The following SNX32 variants were observed in gnomAD, a reference collection of about 807,000 sequenced individuals.
The protein encoded by SNX32 is sorting nexin-32.
Under a neutral mutation model 57.0 loss-of-function variants are expected in SNX32, and 58 were observed. The observed-to-expected ratio is 1.02, with a 90% CI of 0.82 to 1.27. The LOEUF (loss-of-function observed/expected upper bound fraction) is 1.27. SNX32 is among the 50% of genes most tolerant of loss of function. The pLI is 0.00. For synonymous variants in SNX32, 262 were observed against 220.4 expected (o/e 1.19, Z -1.67); for missense variants, 589 against 541.2 (o/e 1.09, Z -0.88).
chr11:65,850,987 C>G (rs933110661), intron 6 of SNX32, 68 bp from the exon 7 acceptor site: 7 of 1,525,214 alleles, frequency 4.6e-6, no homozygotes, highest in Non-Finnish European at 6.4e-6. Context: ...TTTTGCCAAC[C>G]CTGGGTGCCT....
intron 1 of SNX32, among the ~76,000 whole-genome samples, chr11:65,839,488 C>G (rs1276252996): frequency 1.4e-5 from 2 of 147,112 alleles, no homozygotes; most frequent in Non-Finnish European, 2.9e-5. Context: ...CTCGGCCTCC[C>G]AAAGTGCTGG....
At chr11:65,853,006 A>ACCTC (rs1555036656) in intron 12 of SNX32, 48 bp downstream of exon 12, 2 of 1,578,816 alleles carry the variant, frequency 1.3e-6, no homozygotes, top group Non-Finnish European at 1.7e-6. Flanking sequence ...CCCACCTCCC[A>ACCTC]CCTCCCTCCC....
chr11:65,834,171 GC>G, intron 1 of SNX32, 70 bp downstream of exon 1: 3 of 1,222,108 alleles, frequency 2.5e-6, no homozygotes. Flanking sequence ...GCCCAATCAT[GC>G]GGTGGTGTGT....
chr11:65,838,582 T>C (rs1858735703), intron 1 of SNX32, among the ~76,000 whole-genome samples: 1 of 152,086 alleles, frequency 6.6e-6, no homozygotes, highest in Admixed American at 6.6e-5. Flanking sequence ...ACAAAAAAAT[T>C]AGTAAGGATT....
At chr11:65,838,181 A>AGAAG (rs368822862) in intron 1 of SNX32, among the ~76,000 whole-genome samples, 70 of 151,262 alleles carry the variant, frequency 4.6e-4, no homozygotes, top group African/African-American at 1.3e-3. Flanking sequence ...AAGGAAAGAA[A>AGAAG]GAAGGAAGGA....
chr11:65,847,065 C>T (rs528714599), intron 1 of SNX32, among the ~76,000 whole-genome samples: 6 of 149,900 alleles, frequency 4.0e-5, no homozygotes, highest in South Asian at 2.1e-4. Flanking sequence ...TGGAGTGCAG[C>T]GGCGAGATCC....
rs899279289 is a variant in SNX32 at position 65,851,466 on chromosome 11, G to A, written c.785+63G>A. On this transcript the variant is annotated intron_variant, in intron 8 of 12. Transcript: ENST00000308342. ...TGTAATACCATGTCTTCCCATGAGGGGTCACTCTGTAGATGTCTACTGTCA... is the reference window on the plus strand; with the variant it reads ...TGTAATACCATGTCTTCCCATGAGGAGTCACTCTGTAGATGTCTACTGTCA... 7.5e-5 allele frequency: 119 copies of A among 1,581,994 alleles called. No homozygotes were observed. In the African/African-American group the frequency reaches 1.5e-3, roughly 19 times the overall value.
At position 65,849,517 on chromosome 11, in the gene SNX32, T is replaced by C. The variant is rs776249123; in HGVS notation, c.76T>C (p.Leu26=). 6.8e-6 allele frequency: 11 copies of C among 1,613,926 alleles called. 1 individual carries two copies. In the South Asian group the frequency reaches 1.1e-4, roughly 16 times the overall value. The change falls in exon 2 of 13, where the codon TTA becomes CTA. Residue 26 remains leucine, a synonymous_variant. Coordinates refer to ENST00000308342, the MANE Select transcript of SNX32 (RefSeq NM_152760.3). ...ASVDLQGDSS[L]QVEISDAVSE... is the part of the protein sequence containing the mutation. ...GGTGGATCTGCAGGGAGACAGCTCCTTACAGGTGGAGATTTCTGACGCAGT... is the reference window on the plus strand; with the variant it reads ...GGTGGATCTGCAGGGAGACAGCTCCCTACAGGTGGAGATTTCTGACGCAGT...
At chr11:65,835,353 CG>C (rs1858640755) in intron 1 of SNX32, among the ~76,000 whole-genome samples, 1 of 42,044 alleles carries the variant, frequency 2.4e-5, no homozygotes. Flanking sequence ...GAGGTGAGGG[CG>C]GGGAGGAGGG....
chr11:65,850,052 G>A (rs757908643), intron 3 of SNX32, 22 bp downstream of exon 3: 6 of 1,614,082 alleles, frequency 3.7e-6, no homozygotes, highest in Non-Finnish European at 5.1e-6. Flanking sequence ...CTGGGCAGGG[G>A]CTGGGAGGGA....
chr11:65,842,217 C>T (rs1858859663), intron 1 of SNX32, among the ~76,000 whole-genome samples: 1 of 152,176 alleles, frequency 6.6e-6, no homozygotes, highest in South Asian at 2.1e-4. Context: ...AAATTTGTCA[C>T]TCTTAATAGG....
In SNX32 at chr11:65,850,476, C is replaced by A. The variant is rs1859142996; in HGVS notation, c.420C>A (p.Val140=). The part of the protein sequence containing the change: ...IFKKTVAMHE[V]FLQRLAAHPT... ...AGAAGACAGTTGCGATGCACGAAGT[C>A]TTTCTGCAGCGCCTGGCGGCCCACC... The change falls in exon 5 of 13, where the codon GTC becomes GTA. Residue 140 remains valine (V), a synonymous_variant. Coordinates refer to ENST00000308342, the MANE Select transcript of SNX32 (RefSeq NM_152760.3). The A allele has an allele frequency of 6.2e-7, 1 of 1,614,076 alleles. No individual in the cohort carries two copies. The highest frequency in any genetic ancestry group is 1.1e-5 in the South Asian group (1 of 91,088).
chr11:65,851,983 G>T (rs1859213571), intron 9 of SNX32, among the ~76,000 whole-genome samples: 1 of 152,136 alleles, frequency 6.6e-6, no homozygotes, highest in African/African-American at 2.4e-5. Context: ...CCAGCACACT[G>T]CCCGGGCACA....
At chr11:65,851,986 C>T (rs920576081) in intron 9 of SNX32, among the ~76,000 whole-genome samples, 10 of 152,104 alleles carry the variant, frequency 6.6e-5, no homozygotes, top group Admixed American at 3.3e-4. Flanking sequence ...GCACACTGCC[C>T]GGGCACACAT....
intron 1 of SNX32, among the ~76,000 whole-genome samples, chr11:65,845,437 CAAA>C (rs759775048): frequency 6.6e-5 from 8 of 121,434 alleles, no homozygotes; most frequent in Non-Finnish European, 7.0e-5. Context: ...GACTCCATCT[CAAA>C]AAAAAAAAAA....
At chr11:65,852,405 C>T (rs1859228773) in intron 9 of SNX32, 60 bp from the exon 10 acceptor site, 2 of 1,442,350 alleles carry the variant, frequency 1.4e-6, no homozygotes, top group Non-Finnish European at 2.0e-6. Flanking sequence ...AGAGGTGCCT[C>T]CCACCCCTTA....
Position 65,853,461 on chromosome 11 carries a change from C to A in SNX32, c.*126C>A. The A allele has an allele frequency of 2.0e-6, 2 of 976,430 alleles. No individual in the cohort carries two copies. The highest frequency in any genetic ancestry group is 1.6e-5 in the African/African-American group (1 of 62,524). 60.5% of individuals were successfully genotyped at this position (976,430 alleles called of 1,614,324 possible). Reference sequence around the variant, plus strand: ...CTAGCCACACCCTCACTCTGCCCCACATCCTCTCAGGGAAAGCCCAAACCC... The same window carrying A: ...CTAGCCACACCCTCACTCTGCCCCAAATCCTCTCAGGGAAAGCCCAAACCC... On this transcript the variant is annotated 3_prime_UTR_variant, in exon 13 of 13. Coordinates refer to ENST00000308342, the MANE Select transcript of SNX32 (RefSeq NM_152760.3).
chr11:65,852,774 GACTC>G lies in SNX32; in HGVS notation c.1058_1061del (p.Asp353AlafsTer37). ...CTGCCAACGCTTCGAGCGCCTCTCC[GACTC>G]CGCCAAGCAAGGTGAGCCCGCAGCC... On this transcript the variant is annotated frameshift_variant, in exon 11 of 13. Coordinates refer to ENST00000308342, the MANE Select transcript of SNX32 (RefSeq NM_152760.3). LOFTEE classifies it high-confidence loss of function. 6.2e-7 allele frequency: 1 copy of G among 1,609,572 alleles called. No homozygotes were observed. Among genetic ancestry groups the G allele is most frequent in the Non-Finnish European group, 8.5e-7 (1 of 1,178,240 alleles).
At chr11:65,849,851 G>A in intron 2 of SNX32, 69 bp from the exon 3 acceptor site, 1 of 1,299,088 alleles carries the variant, frequency 7.7e-7, no homozygotes, top group South Asian at 1.4e-5. Flanking sequence ...GCCCAAAAGT[G>A]CATGCCCAGA....
Sources: gnomAD v4.1 joint callset for allele counts (sites outside exome capture counted in the v4.1 genomes callset) on GRCh38, gnomAD v4.1.1 for gene constraint, MANE v1.5 for transcripts, NCBI Gene and HGNC (gene_info 2026-07-23, HGNC 2026-07-21) for gene names.